ARAP2: variants seen among roughly 807,000 people sequenced by gnomAD.
The protein encoded by ARAP2 is ArfGAP with RhoGAP domain, ankyrin repeat and PH domain 2, also known as arf-GAP with Rho-GAP domain, ANK repeat and PH domain-containing protein 2.
A neutral mutation model predicts 194.5 loss-of-function variants in ARAP2; 148 were observed. The ratio of observed to expected loss-of-function variants is 0.76; its 90% CI spans 0.67 to 0.87. The LOEUF (loss-of-function observed/expected upper bound fraction) is 0.87. Ranked by LOEUF, ARAP2 falls within the 40% of genes least tolerant of loss-of-function variation. The pLI is 0.00. For missense variants in ARAP2, 2,128 were observed against 1,989.7 expected, an observed-to-expected ratio of 1.07 and a Z score of -1.32; for synonymous variants, 695 against 683.5, an observed-to-expected ratio of 1.02 and a Z score of -0.26.
intron 5 of ARAP2, among the ~76,000 whole-genome samples, chr4:36,029,171 G>A (rs1577587334): frequency 6.6e-6 from 1 of 151,516 alleles, no homozygotes; most frequent in African/African-American, 2.4e-5. Context: ...TTCATTCTTT[G>A]TTAGCCTATC....
intron 21 of ARAP2, among the ~76,000 whole-genome samples, chr4:36,127,334 T>C (rs1360290679): frequency 6.6e-6 from 1 of 152,070 alleles, no homozygotes; most frequent in Non-Finnish European, 1.5e-5. Flanking sequence ...ATTCTTCTTG[T>C]GATTACAGTG....
At chr4:36,106,955 A>G (rs1206584049) in intron 27 of ARAP2, among the ~76,000 whole-genome samples, 1 of 151,948 alleles carries the variant, frequency 6.6e-6, no homozygotes, top group Non-Finnish European at 1.5e-5. Flanking sequence ...ACAACACAAC[A>G]GAAGAATAAT....
At chr4:36,142,272 C>T (rs1351075917) in intron 19 of ARAP2, among the ~76,000 whole-genome samples, 8 of 151,644 alleles carry the variant, frequency 5.3e-5, no homozygotes, top group Non-Finnish European at 7.4e-5. Context: ...GGATCTTGCT[C>T]TCTTGTTTGT....
At chr4:36,241,269 T>C (rs960329077) in intron 1 of ARAP2, among the ~76,000 whole-genome samples, 1 of 152,226 alleles carries the variant, frequency 6.6e-6, no homozygotes, top group African/African-American at 2.4e-5. Flanking sequence ...TTTGCATTTA[T>C]AAATAGTACT....
chr4:36,085,960 A>G (rs1214069965), intron 28 of ARAP2, among the ~76,000 whole-genome samples: 1 of 152,038 alleles, frequency 6.6e-6, no homozygotes, highest in Non-Finnish European at 1.5e-5. Context: ...AAGGAAGAAC[A>G]TTTTAACAAT....
intron 6 of ARAP2, among the ~76,000 whole-genome samples, chr4:36,017,578 A>AAAAAAAAAAAAAAAAAAAAAAAAAAAAAT: frequency 6.7e-6 from 1 of 149,158 alleles, no homozygotes. Context: ...AAAAAAAAAA[A>AAAAAAAAAAAAAAAAAAAAAAAAAAAAAT]AAAAAAAAAG....
chr4:36,230,252 A>G (rs1172260954), intron 1 of ARAP2, among the ~76,000 whole-genome samples: 1 of 152,224 alleles, frequency 6.6e-6, no homozygotes, highest in Non-Finnish European at 1.5e-5. Context: ...CAATATTCCC[A>G]CAAAGGCACT....
intron 26 of ARAP2, among the ~76,000 whole-genome samples, chr4:36,112,250 G>T (rs939204974): frequency 6.6e-6 from 1 of 151,710 alleles, no homozygotes; most frequent in Non-Finnish European, 1.5e-5. Context: ...TGAAATACAC[G>T]GTAAATGCCC....
chr4:36,013,395 G>T (rs576830302), intron 8 of ARAP2, among the ~76,000 whole-genome samples: 2 of 152,252 alleles, frequency 1.3e-5, no homozygotes, highest in African/African-American at 4.8e-5. Context: ...CTACTAAAAA[G>T]GGTGAGGAAT....
intron 6 of ARAP2, among the ~76,000 whole-genome samples, chr4:36,207,226 T>C (rs1745743623): frequency 6.6e-6 from 1 of 152,238 alleles, no homozygotes; most frequent in Non-Finnish European, 1.5e-5. Flanking sequence ...AGCTTAAGTT[T>C]ATTATTTACA....
intron 5 of ARAP2, among the ~76,000 whole-genome samples, chr4:36,034,171 A>C (rs1164033687): frequency 6.6e-6 from 1 of 152,150 alleles, no homozygotes; most frequent in African/African-American, 2.4e-5. Flanking sequence ...AGGTGTTTCT[A>C]GTTCTGTGAA....
intron 4 of ARAP2, 75 bp from the exon 5 acceptor site, chr4:36,212,562 C>T: frequency 1.1e-6 from 1 of 894,340 alleles, no homozygotes; most frequent in Non-Finnish European, 1.7e-6. Flanking sequence ...GTATGTGTAG[C>T]AATATTCTAC....
chr4:36,015,341 A>G (rs1209767363), intron 8 of ARAP2: 1 of 152,242 alleles, frequency 6.6e-6, no homozygotes, highest in African/African-American at 2.4e-5. Flanking sequence ...GTTGCATAAC[A>G]AGCATCCCTA....
Position 36,244,389 on chromosome 4 carries a change from C to T in ARAP2, c.-370G>A, listed in dbSNP as rs1754245283. The T allele has an allele frequency of 6.7e-6, 1 of 150,358 alleles. No individual in the cohort carries two copies. Among genetic ancestry groups the T allele is most frequent in the Non-Finnish European group, 1.5e-5 (1 of 67,372 alleles). The allele number at this position is 150,358 out of a possible 1,614,324, so 9.3% of individuals were successfully genotyped here. On this transcript the variant is annotated 5_prime_UTR_variant, in exon 1 of 33. Transcript: ENST00000303965. ...GGCGCTGTTAGTGGGGCCGGCGTGTCGCGGCCGCCGCACCTGGAGGCGGGG... is the reference window on the plus strand; with the variant it reads ...GGCGCTGTTAGTGGGGCCGGCGTGTTGCGGCCGCCGCACCTGGAGGCGGGG...
intron 16 of ARAP2, among the ~76,000 whole-genome samples, chr4:36,150,383 C>T (rs1386802221): frequency 2.6e-5 from 4 of 152,046 alleles, no homozygotes; most frequent in Non-Finnish European, 4.4e-5. Context: ...CGGTGGCTCA[C>T]GCCTGTAATC....
chr4:36,017,708 A>T (rs956974802), intron 6 of ARAP2, among the ~76,000 whole-genome samples: 6 of 152,070 alleles, frequency 3.9e-5, no homozygotes, highest in Non-Finnish European at 7.4e-5. Context: ...GAGAAGGAAG[A>T]ATGTAGCAAG....
intron 27 of ARAP2, among the ~76,000 whole-genome samples, chr4:36,100,952 A>G (rs1269680821): frequency 3.3e-5 from 5 of 152,010 alleles, no homozygotes; most frequent in Admixed American, 3.3e-4. Flanking sequence ...CTCTGTATCC[A>G]TGGATGCCGC....
chr4:36,089,599 G>A (rs2109377003), intron 28 of ARAP2, among the ~76,000 whole-genome samples: 1 of 152,014 alleles, frequency 6.6e-6, no homozygotes, highest in South Asian at 2.1e-4. Flanking sequence ...TTTAACATTG[G>A]GTGTTATCAC....
chr4:36,149,632 T>C (rs1730474719), intron 16 of ARAP2, among the ~76,000 whole-genome samples: 1 of 152,212 alleles, frequency 6.6e-6, no homozygotes, highest in African/African-American at 2.4e-5. Flanking sequence ...TATTCTTTTT[T>C]ATATTTCATT....
Sources: gnomAD v4.1 joint callset for allele counts (sites outside exome capture counted in the v4.1 genomes callset) on GRCh38, gnomAD v4.1.1 for gene constraint, MANE v1.5 for transcripts, NCBI Gene and HGNC (gene_info 2026-07-23, HGNC 2026-07-21) for gene names.